Variants in ZNF148 observed in about 807,000 individuals in gnomAD.
The protein encoded by ZNF148 is zinc finger protein 148, also known as Beta-Enolase Repressor Factor-1.
ZNF148 carries 7 observed loss-of-function variants against 67.7 expected under a neutral mutation model. The ratio of observed to expected loss-of-function variants is 0.10; its 90% CI spans 0.06 to 0.19. The LOEUF is 0.19. Among genes scored for constraint, ZNF148 ranks in the 10% least tolerant of loss-of-function variants. The pLI is 1.00. For synonymous variants in ZNF148, 333 were observed against 330.7 expected (o/e 1.01, Z -0.08); for missense variants, 583 against 947.1 (o/e 0.62, Z 5.05).
At position 125,321,403 on chromosome 3, in the gene ZNF148, T is replaced by TA. The variant is rs145459641; in HGVS notation, c.-17+1905dup. ...TATGACTTTAAAAACCTAAAAGCTT[T>TA]AAAAAAAACTCTATTTTTTCACCAC... On this transcript the variant is annotated intron_variant, in intron 3 of 8. Transcript: ENST00000360647. Among the ~76,000 whole-genome samples the TA allele has an allele frequency of 6.3e-4, 96 of 151,618 alleles. 1 individual carries two copies. Among genetic ancestry groups the TA allele is most frequent in the South Asian group, 4.6e-3 (22 of 4,818 alleles).
intron 1 of ZNF148, among the ~76,000 whole-genome samples, chr3:125,372,865 T>C (rs1251803752): frequency 2.0e-5 from 3 of 151,722 alleles, no homozygotes; most frequent in Non-Finnish European, 4.4e-5. Flanking sequence ...ACTTGGGAGG[T>C]TGAGGCAGGA....
At chr3:125,281,367 G>T (rs966840406) in intron 5 of ZNF148, among the ~76,000 whole-genome samples, 1 of 152,074 alleles carries the variant, frequency 6.6e-6, no homozygotes, top group Non-Finnish European at 1.5e-5. Context: ...TTTAAAATAT[G>T]ACTCAAAATA....
At chr3:125,319,131 G>T (rs1319528948) in intron 3 of ZNF148, among the ~76,000 whole-genome samples, 1 of 152,152 alleles carries the variant, frequency 6.6e-6, no homozygotes, top group Admixed American at 6.5e-5. Context: ...TACTTAAAAA[G>T]AACGTAAATT....
intron 4 of ZNF148, among the ~76,000 whole-genome samples, chr3:125,309,643 C>A (rs548542204): frequency 6.6e-6 from 1 of 152,174 alleles, no homozygotes; most frequent in African/African-American, 2.4e-5. Flanking sequence ...CTATTTCCGC[C>A]CATGCAAAAA....
chr3:125,367,602 C>T (rs571734038), intron 1 of ZNF148, among the ~76,000 whole-genome samples: 2 of 152,200 alleles, frequency 1.3e-5, no homozygotes, highest in African/African-American at 4.8e-5. Context: ...ATAGACAATT[C>T]AGATCTCCTA....
At chr3:125,234,879 A>G (rs979515390) in intron 7 of ZNF148, among the ~76,000 whole-genome samples, 52 of 152,182 alleles carry the variant, frequency 3.4e-4, no homozygotes, top group African/African-American at 1.2e-3. Flanking sequence ...CACTTCCCAT[A>G]TCATTTAGGG....
intron 4 of ZNF148, among the ~76,000 whole-genome samples, chr3:125,309,701 G>T (rs1015929984): frequency 2.6e-5 from 4 of 152,204 alleles, no homozygotes; most frequent in Non-Finnish European, 5.9e-5. Flanking sequence ...GGAAGTTTCA[G>T]TAAGGGAATG....
intron 3 of ZNF148, among the ~76,000 whole-genome samples, chr3:125,314,260 G>T (rs1398994896): frequency 6.6e-6 from 1 of 151,902 alleles, no homozygotes; most frequent in Non-Finnish European, 1.5e-5. Context: ...AAAGCCATTT[G>T]GTATCAAATG....
At chr3:125,257,716 T>C (rs1047118321) in intron 7 of ZNF148, among the ~76,000 whole-genome samples, 1 of 152,092 alleles carries the variant, frequency 6.6e-6, no homozygotes, top group African/African-American at 2.4e-5. Context: ...CTCTCTACCC[T>C]CAAAAATTTT....
intron 4 of ZNF148, among the ~76,000 whole-genome samples, chr3:125,311,607 C>T (rs987056220): frequency 2.6e-5 from 4 of 151,810 alleles, no homozygotes; most frequent in Non-Finnish European, 5.9e-5. Flanking sequence ...ACATCAATTA[C>T]AGACCCCAAA....
At chr3:125,371,613 C>G (rs1228333354) in intron 1 of ZNF148, among the ~76,000 whole-genome samples, 3 of 142,274 alleles carry the variant, frequency 2.1e-5, no homozygotes, top group Non-Finnish European at 4.5e-5. Flanking sequence ...GAGCCGAGAT[C>G]GTGCCACTGC....
intron 7 of ZNF148, among the ~76,000 whole-genome samples, chr3:125,245,359 C>T (rs956516931): frequency 3.3e-5 from 5 of 152,276 alleles, no homozygotes; most frequent in African/African-American, 4.8e-5. Context: ...TGCTCTTGCT[C>T]GCTTTCTCTC....
intron 4 of ZNF148, among the ~76,000 whole-genome samples, chr3:125,303,971 A>AG (rs1939737081): frequency 6.6e-6 from 1 of 152,098 alleles, no homozygotes; most frequent in African/African-American, 2.4e-5. Flanking sequence ...TGAGGGATGG[A>AG]GGGGGTCTTC....
At chr3:125,347,719 T>TG (rs1941998878) in intron 1 of ZNF148, among the ~76,000 whole-genome samples, 1 of 151,704 alleles carries the variant, frequency 6.6e-6, no homozygotes, top group African/African-American at 2.4e-5. Context: ...TTTATAGAGG[T>TG]GGGGTCTCAT....
chr3:125,348,446 A>G (rs1942025370), intron 1 of ZNF148, among the ~76,000 whole-genome samples: 1 of 140,096 alleles, frequency 7.1e-6, no homozygotes, highest in Non-Finnish European at 1.5e-5. Flanking sequence ...GCACCACTGC[A>G]CTCCAGCCCA....
At chr3:125,370,588 T>C (rs1365564149) in intron 1 of ZNF148, among the ~76,000 whole-genome samples, 2 of 152,230 alleles carry the variant, frequency 1.3e-5, no homozygotes, top group African/African-American at 4.8e-5. Context: ...ATACTGTTAC[T>C]ACTGAAAGTA....
rs552760783 is a variant in ZNF148, at chr3:125,270,167, CTAGG to C, written c.667+7555_667+7558del. Among the ~76,000 whole-genome samples the C allele has an allele frequency of 2.1e-4, 32 of 152,018 alleles. No individual in the cohort carries two copies. The East Asian group carries it at 6.2e-3, about 29-fold the overall frequency. ...AACCTATGACCTCGTCAATTCACTC[CTAGG>C]TAATTAAGAGTAAACTGAGTATATT... On this transcript the variant is annotated intron_variant, in intron 7 of 8. Coordinates refer to ENST00000360647, the MANE Select transcript of ZNF148 (RefSeq NM_021964.3).
intron 1 of ZNF148, among the ~76,000 whole-genome samples, chr3:125,338,613 T>C (rs1017046526): frequency 3.7e-5 from 5 of 135,716 alleles, no homozygotes; most frequent in African/African-American, 5.8e-5. Context: ...TGAGCCGACA[T>C]TGTGCCACTG....
chr3:125,339,479 C>T (rs1941626895), intron 1 of ZNF148, among the ~76,000 whole-genome samples: 2 of 152,132 alleles, frequency 1.3e-5, no homozygotes, highest in African/African-American at 4.8e-5. Flanking sequence ...AACTAAATAA[C>T]AAAATTCTGT....
Sources: gnomAD v4.1 joint callset for allele counts (sites outside exome capture counted in the v4.1 genomes callset) on GRCh38, gnomAD v4.1.1 for gene constraint, MANE v1.5 for transcripts, NCBI Gene and HGNC (gene_info 2026-07-23, HGNC 2026-07-21) for gene names.